FGF18: variants seen among roughly 807,000 people sequenced by gnomAD.
FGF18 encodes fibroblast growth factor 18.
In FGF18, 5 loss-of-function variants were observed where a neutral mutation model predicts 23.0. The ratio of observed to expected loss-of-function variants is 0.22; its 90% CI spans 0.11 to 0.46. FGF18 has a LOEUF of 0.46. Among genes scored for constraint, FGF18 ranks in the 20% least tolerant of loss-of-function variants. The pLI, the probability that FGF18 is intolerant of heterozygous loss-of-function variation, is 0.99. For synonymous variants in FGF18, 117 were observed against 118.9 expected, an observed-to-expected ratio of 0.98 and a Z score of 0.10; for missense variants, 180 against 291.6, an observed-to-expected ratio of 0.62 and a Z score of 2.79.
chr5:171,453,764 G>A (rs1272508120), intron 4 of FGF18, among the ~76,000 whole-genome samples: 1 of 152,138 alleles, frequency 6.6e-6, no homozygotes, highest in African/African-American at 2.4e-5. Context: ...AAGTGTGCGA[G>A]ACAATTTCTA....
In FGF18 at chr5:171,438,312, G is replaced by A. The variant is rs145462407; in HGVS notation, c.250+2039G>A. On this transcript the variant is annotated intron_variant, in intron 3 of 4. Transcript: ENST00000274625. ...AGACGGGGTTTCGCCATGTTGGCCA[G>A]GGTGGTCTTGAACTCTTGACCTCAG... 5.3e-3 allele frequency among the ~76,000 whole-genome samples: 807 copies of A among 152,166 alleles called. 7 individuals are homozygous for A. Among genetic ancestry groups the A allele is most frequent in the African/African-American group, 0.018 (749 of 41,530 alleles).
chr5:171,452,210 A>C (rs1280568050), intron 4 of FGF18, among the ~76,000 whole-genome samples: 1 of 152,236 alleles, frequency 6.6e-6, no homozygotes, highest in Non-Finnish European at 1.5e-5. Flanking sequence ...TAATCTGGGC[A>C]CTTAGTAAGC....
chr5:171,435,782 G>A (rs1308585561), intron 2 of FGF18, among the ~76,000 whole-genome samples: 3 of 152,116 alleles, frequency 2.0e-5, no homozygotes, highest in Non-Finnish European at 4.4e-5. Context: ...CCATTTTACC[G>A]AGAATCGTTC....
chr5:171,455,300 G>T (rs1421881843), intron 4 of FGF18, among the ~76,000 whole-genome samples: 2 of 152,112 alleles, frequency 1.3e-5, no homozygotes, highest in Non-Finnish European at 2.9e-5. Flanking sequence ...ATTTTTGGAG[G>T]CCCCACCTTT....
chr5:171,436,638 G>A lies in FGF18; in HGVS notation c.250+365G>A, dbSNP rs1041510112. On this transcript the variant is annotated intron_variant, in intron 3 of 4. Coordinates refer to ENST00000274625, the MANE Select transcript of FGF18 (RefSeq NM_003862.3). The surrounding 1 kb of genome is among the most constrained non-coding windows in gnomAD (Gnocchi z 4.4). Reference sequence around the variant, plus strand: ...CACTTCAAGGGGCAGGAGCCTCGAGGTGATGCTTTTAGGAAGCTGCTGGTG... The same window carrying A: ...CACTTCAAGGGGCAGGAGCCTCGAGATGATGCTTTTAGGAAGCTGCTGGTG... Among the ~76,000 whole-genome samples, 3 of 152,168 alleles carry A rather than the reference G, an allele frequency of 2.0e-5. No individual in the cohort carries two copies. The highest frequency in any genetic ancestry group is 7.2e-5 in the African/African-American group (3 of 41,428).
intron 2 of FGF18, among the ~76,000 whole-genome samples, chr5:171,429,402 C>T (rs761932647): frequency 4.6e-5 from 7 of 152,244 alleles, no homozygotes; most frequent in Non-Finnish European, 7.3e-5. Context: ...CCAGTGGGAG[C>T]CAACGTGAGC....
chr5:171,443,500 CATTTTTTTTTTTTTTT>C (rs1479696477), intron 3 of FGF18, among the ~76,000 whole-genome samples: 4 of 70,416 alleles, frequency 5.7e-5, no homozygotes, highest in Non-Finnish European at 2.9e-5. Context: ...CTGTTATCAT[CATTTTTTTTTTTTTTT>C]TTTTTTTTTT....
Position 171,426,144 on chromosome 5 carries a change from C to G in FGF18, c.69+5701C>G, listed in dbSNP as rs77531881. ...AAAACAACCAAAGAAATCATCCCTA[C>G]TGCCTCAGGTAGTTGTGGAGGGACA... On this transcript the variant is annotated intron_variant, in intron 2 of 4. Transcript: ENST00000274625. 3.8e-3 allele frequency among the ~76,000 whole-genome samples: 575 copies of G among 152,322 alleles called. 1 individual carries two copies. The highest frequency in any genetic ancestry group is 0.013 in the African/African-American group (549 of 41,570).
At chr5:171,433,088 G>A (rs1772203590) in intron 2 of FGF18, among the ~76,000 whole-genome samples, 1 of 152,182 alleles carries the variant, frequency 6.6e-6, no homozygotes, top group Non-Finnish European at 1.5e-5. Context: ...AACAGACCTT[G>A]TTTCCGAGCC....
Position 171,422,773 on chromosome 5 carries a change from G to A in FGF18, c.69+2330G>A, listed in dbSNP as rs541024968. Among the ~76,000 whole-genome samples, 94 of 152,214 alleles carry A rather than the reference G, an allele frequency of 6.2e-4. 2 individuals carry two copies. The South Asian group carries it at 0.016, about 26-fold the overall frequency. ...TTCAAGCTCCTTTAGGGTGAGCCGGGGCCAGGGAGGCCTCTCTACATGGCA... is the reference window on the plus strand; with the variant it reads ...TTCAAGCTCCTTTAGGGTGAGCCGGAGCCAGGGAGGCCTCTCTACATGGCA... On this transcript the variant is annotated intron_variant, in intron 2 of 4. Transcript: ENST00000274625.
intron 2 of FGF18, among the ~76,000 whole-genome samples, chr5:171,428,044 G>T (rs1772122985): frequency 6.6e-6 from 1 of 152,224 alleles, no homozygotes; most frequent in African/African-American, 2.4e-5. Flanking sequence ...GAGGCACTTG[G>T]CATAGCGCCT....
intron 2 of FGF18, among the ~76,000 whole-genome samples, chr5:171,425,333 T>G (rs1315724808): frequency 5.9e-5 from 9 of 152,022 alleles, no homozygotes; most frequent in African/African-American, 1.7e-4. Context: ...AACCTCTGCC[T>G]CCCAGGTTCA....
At chr5:171,431,290 CAG>C (rs1197781727) in intron 2 of FGF18, among the ~76,000 whole-genome samples, 1 of 152,164 alleles carries the variant, frequency 6.6e-6, no homozygotes, top group Non-Finnish European at 1.5e-5. Flanking sequence ...GCAAGGTAGA[CAG>C]GGCTCAATTG....
At chr5:171,421,932 GGCCT>G (rs1772015302) in intron 2 of FGF18, among the ~76,000 whole-genome samples, 1 of 152,154 alleles carries the variant, frequency 6.6e-6, no homozygotes, top group South Asian at 2.1e-4. Flanking sequence ...TGCCAGGCAT[GGCCT>G]GCCTGGTCTG....
intron 2 of FGF18, among the ~76,000 whole-genome samples, chr5:171,433,444 G>C (rs1772207699): frequency 1.3e-5 from 2 of 152,198 alleles, no homozygotes; most frequent in Admixed American, 1.3e-4. Context: ...GGAGGGGACA[G>C]GGCCAGCCAC....
chr5:171,453,858 A>G (rs1772547946), intron 4 of FGF18, among the ~76,000 whole-genome samples: 1 of 151,962 alleles, frequency 6.6e-6, no homozygotes, highest in Non-Finnish European at 1.5e-5. Context: ...GACATTTATA[A>G]CAGATCCAGG....
chr5:171,429,004 G>A (rs950881047), intron 2 of FGF18, among the ~76,000 whole-genome samples: 3 of 152,210 alleles, frequency 2.0e-5, no homozygotes, highest in Admixed American at 2.0e-4. Flanking sequence ...TACATTGATA[G>A]CCCTGGGAGC....
At chr5:171,420,496 C>A in intron 2 of FGF18, 53 bp downstream of exon 2, 2 of 1,551,746 alleles carry the variant, frequency 1.3e-6, no homozygotes, top group East Asian at 2.2e-5. Context: ...GCGGTACACG[C>A]CGACCCCCCT....
At chr5:171,441,249 C>T (rs1014647999) in intron 3 of FGF18, among the ~76,000 whole-genome samples, 12 of 152,158 alleles carry the variant, frequency 7.9e-5, no homozygotes, top group Non-Finnish European at 1.5e-4. Flanking sequence ...CCCCACGGTC[C>T]ATTTTCCACA....
Sources: allele counts gnomAD v4.1 joint callset (sites outside exome capture counted in the v4.1 genomes callset), GRCh38; gene constraint gnomAD v4.1.1; non-coding constraint Gnocchi (gnomAD v3.1); transcripts MANE v1.5; gene names NCBI Gene and HGNC (gene_info 2026-07-23, HGNC 2026-07-21).